The following MDGA2 variants were observed in gnomAD, a reference collection of about 807,000 sequenced individuals.
MDGA2 encodes MAM domain containing glycosylphosphatidylinositol anchor 2, also known as MAM domain-containing glycosylphosphatidylinositol anchor protein 2.
MDGA2 carries 40 observed loss-of-function variants against 117.8 expected under a neutral mutation model. That is an observed-to-expected ratio of 0.34 (90% confidence interval 0.26 to 0.44). The LOEUF (loss-of-function observed/expected upper bound fraction) is 0.44, where lower values mean the gene tolerates loss of function less well. Among genes scored for constraint, MDGA2 ranks in the 20% least tolerant of loss-of-function variants. The pLI is 1.00. For missense variants in MDGA2, 1,123 were observed against 1,250.6 expected (o/e 0.90, Z 1.54); for synonymous variants, 452 against 439.0 (o/e 1.03, Z -0.37).
At chr14:47,497,238 T>G (rs1894300745) in intron 1 of MDGA2, among the ~76,000 whole-genome samples, 1 of 152,164 alleles carries the variant, frequency 6.6e-6, no homozygotes, top group South Asian at 2.1e-4. Context: ...GAGATTTAAC[T>G]ACTGTTAAGA....
At chr14:47,166,245 A>G (rs1031558974) in intron 3 of MDGA2, among the ~76,000 whole-genome samples, 2 of 152,080 alleles carry the variant, frequency 1.3e-5, no homozygotes, top group African/African-American at 2.4e-5. Flanking sequence ...CGTGTTAGCC[A>G]GGATGGTATT....
rs370481455 is a variant in MDGA2 at position 47,540,563 on chromosome 14, T to TATATATATATATATAC, written c.280+133953_280+133954insGTATATATATATATAT. Among the ~76,000 whole-genome samples, 74 of 112,514 alleles carry TATATATATATATATAC rather than the reference T, an allele frequency of 6.6e-4. 3 individuals are homozygous for TATATATATATATATAC. Among genetic ancestry groups the TATATATATATATATAC allele is most frequent in the Non-Finnish European group, 1.2e-3 (62 of 53,220 alleles). 73.8% of individuals were successfully genotyped at this position (112,514 alleles called of 152,430 possible). On this transcript the variant is annotated intron_variant, in intron 1 of 16. Coordinates refer to ENST00000399232, the MANE Select transcript of MDGA2 (RefSeq NM_001113498.3). ...GTGTATATATATATATGTATATATA[T>TATATATATATATATAC]ACACACACACATAGAGAGAGAGACA...
At chr14:47,581,264 G>C (rs540135593) in intron 1 of MDGA2, among the ~76,000 whole-genome samples, 1 of 152,014 alleles carries the variant, frequency 6.6e-6, no homozygotes, top group South Asian at 2.1e-4. Context: ...TTGAGAATAA[G>C]AGTCAGATAA....
intron 1 of MDGA2, among the ~76,000 whole-genome samples, chr14:47,457,771 T>C (rs1055585141): frequency 1.3e-5 from 2 of 151,908 alleles, no homozygotes; most frequent in Middle Eastern, 3.4e-3. Flanking sequence ...TAACCTTTTA[T>C]TAATGATTTT....
intron 8 of MDGA2, among the ~76,000 whole-genome samples, chr14:46,961,391 T>C (rs1885801433): frequency 6.6e-6 from 1 of 152,300 alleles, no homozygotes; most frequent in Non-Finnish European, 1.5e-5. Context: ...TTTGCACTTG[T>C]TGGTTTTTCT....
intron 1 of MDGA2, among the ~76,000 whole-genome samples, chr14:47,565,791 T>C (rs1413199789): frequency 6.6e-6 from 1 of 152,178 alleles, no homozygotes; most frequent in African/African-American, 2.4e-5. Flanking sequence ...ATGGCCGTGC[T>C]GGCATGGGGA....
intron 9 of MDGA2, among the ~76,000 whole-genome samples, chr14:46,921,635 G>GA (rs894247121): frequency 3.3e-5 from 5 of 149,370 alleles, no homozygotes; most frequent in East Asian, 2.0e-4. Flanking sequence ...AAAAAGAAAA[G>GA]AAAAAAAAGA....
At chr14:47,476,668 G>T (rs1893847405) in intron 1 of MDGA2, among the ~76,000 whole-genome samples, 1 of 151,938 alleles carries the variant, frequency 6.6e-6, no homozygotes, top group Non-Finnish European at 1.5e-5. Context: ...ATTTAAATTA[G>T]TCTTATTTTC....
intron 1 of MDGA2, among the ~76,000 whole-genome samples, chr14:47,485,406 A>G (rs939293108): frequency 5.3e-5 from 8 of 152,170 alleles, no homozygotes; most frequent in Admixed American, 1.3e-4. Context: ...GACTACTGTT[A>G]AAGACATTCA....
intron 1 of MDGA2, among the ~76,000 whole-genome samples, chr14:47,345,912 C>G (rs1396038689): frequency 6.6e-6 from 1 of 151,716 alleles, no homozygotes; most frequent in East Asian, 1.9e-4. Flanking sequence ...AAAAGTAGAA[C>G]AGAGGACACT....
At chr14:47,182,817 C>G (rs970657108) in intron 3 of MDGA2, among the ~76,000 whole-genome samples, 1 of 152,072 alleles carries the variant, frequency 6.6e-6, no homozygotes, top group Non-Finnish European at 1.5e-5. Context: ...CAAATCTGCT[C>G]TCAAACAAAT....
At chr14:46,917,181 A>C (rs539755606) in intron 10 of MDGA2, among the ~76,000 whole-genome samples, 1 of 152,348 alleles carries the variant, frequency 6.6e-6, no homozygotes, top group South Asian at 2.1e-4. Flanking sequence ...ATGAGACATA[A>C]TAAAAAAAGG....
At chr14:47,171,666 C>T (rs1027564704) in intron 3 of MDGA2, among the ~76,000 whole-genome samples, 36 of 152,148 alleles carry the variant, frequency 2.4e-4, no homozygotes, top group African/African-American at 8.2e-4. Flanking sequence ...GAGAGGGCAG[C>T]CAAGATGGCC....
intron 10 of MDGA2, among the ~76,000 whole-genome samples, chr14:46,913,674 A>G (rs2138489768): frequency 6.6e-6 from 1 of 152,316 alleles, no homozygotes; most frequent in African/African-American, 2.4e-5. Flanking sequence ...CCGTTTAAGA[A>G]AGTTTAGGAA....
intron 1 of MDGA2, among the ~76,000 whole-genome samples, chr14:47,629,590 G>A (rs576364472): frequency 1.6e-4 from 24 of 152,310 alleles, no homozygotes; most frequent in Admixed American, 2.6e-4. Context: ...AGGGTAAGAA[G>A]AGATGCCTTA....
intron 1 of MDGA2, among the ~76,000 whole-genome samples, chr14:47,602,886 C>A (rs1366373523): frequency 1.1e-4 from 16 of 152,154 alleles, no homozygotes; most frequent in Admixed American, 1.0e-3. Flanking sequence ...GAACTTTGTT[C>A]TGATTGAATA....
At chr14:47,190,974 G>C (rs572855296) in intron 3 of MDGA2, among the ~76,000 whole-genome samples, 6 of 152,214 alleles carry the variant, frequency 3.9e-5, no homozygotes, top group African/African-American at 1.2e-4. Context: ...TTTTTCGGGA[G>C]ACATTCATTC....
chr14:47,370,953 G>C lies in MDGA2; in HGVS notation c.281-69403C>G, dbSNP rs541746235. ...GAACCTTATTACAAATTCATCAAAA[G>C]CAGGGAATATATTCTACACCTAGTT... is the stretch of plus-strand genomic sequence containing the variant. On this transcript the variant is annotated intron_variant, in intron 1 of 16. Transcript: ENST00000399232. 6.6e-5 allele frequency among the ~76,000 whole-genome samples: 10 copies of C among 151,716 alleles called. No individual in the cohort carries two copies. The Middle Eastern group carries it at 0.01, about 155-fold the overall frequency.
chr14:47,413,670 G>GT (rs11422937), intron 1 of MDGA2, among the ~76,000 whole-genome samples: 70,839 of 144,818 alleles, frequency 0.49, 17,151 homozygotes, highest in Middle Eastern at 0.57. Context: ...ATAGTTTTTG[G>GT]TTTTTTTTTT....
Sources: gnomAD v4.1 joint callset for allele counts (sites outside exome capture counted in the v4.1 genomes callset) on GRCh38, gnomAD v4.1.1 for gene constraint, MANE v1.5 for transcripts, NCBI Gene and HGNC (gene_info 2026-07-23, HGNC 2026-07-21) for gene names.